Variants in DMD observed in about 807,000 individuals in gnomAD.
The protein encoded by DMD is dystrophin, also known as mutant dystrophin.
DMD carries 63 observed loss-of-function variants against 330.1 expected under a neutral mutation model. The observed-to-expected ratio is 0.19, with a 90% CI of 0.16 to 0.24. The LOEUF (loss-of-function observed/expected upper bound fraction) is 0.24, where lower values mean the gene tolerates loss of function less well. Among genes scored for constraint, DMD ranks in the 10% least tolerant of loss-of-function variants. The pLI is 1.00. For missense variants in DMD, 3,344 were observed against 2,684.1 expected, an observed-to-expected ratio of 1.25 and a Z score of -5.43; for synonymous variants, 1,223 against 959.8, an observed-to-expected ratio of 1.27 and a Z score of -5.07.
intron 74 of DMD, among the ~76,000 whole-genome samples, chrX:31,158,035 T>C (rs1602239918): frequency 1.8e-5 from 2 of 110,052 alleles, no homozygotes; most frequent in Admixed American, 9.7e-5. Context: ...AAATTCTTGG[T>C]CTCAAGTGAT....
chrX:32,113,024 G>A (rs1202613477), intron 44 of DMD, among the ~76,000 whole-genome samples: 2 of 112,571 alleles, frequency 1.8e-5, no homozygotes, highest in Non-Finnish European at 3.8e-5. Flanking sequence ...TTAAAGTAAC[G>A]CAGCTAGTTA....
At chrX:33,236,445 A>G (rs774511081) in intron 1 of DMD, among the ~76,000 whole-genome samples, 5 of 108,481 alleles carry the variant, frequency 4.6e-5, no homozygotes, top group South Asian at 8.2e-4. Flanking sequence ...TTGTATTTTT[A>G]GTACAGATGG....
chrX:31,135,826 C>A (rs967474243), intron 76 of DMD, among the ~76,000 whole-genome samples: 1 of 112,332 alleles, frequency 8.9e-6, no homozygotes, highest in Non-Finnish European at 1.9e-5. Flanking sequence ...TAAAACAAGA[C>A]CTTGCTTTAG....
intron 1 of DMD, among the ~76,000 whole-genome samples, chrX:33,168,927 C>G (rs2049194229): frequency 9.1e-6 from 1 of 109,737 alleles, no homozygotes; most frequent in Non-Finnish European, 1.9e-5. Flanking sequence ...TGGCACAGAA[C>G]ACAGAAATGC....
At chrX:32,883,842 AAAAAAAAAAG>A (rs2084245222) in intron 2 of DMD, among the ~76,000 whole-genome samples, 1 of 104,732 alleles carries the variant, frequency 9.5e-6, no homozygotes, top group Non-Finnish European at 1.9e-5. Flanking sequence ...AAAAAAAAAA[AAAAAAAAAAG>A]AAAATGACTT....
chrX:31,258,021 T>G (rs1349203026), intron 63 of DMD, among the ~76,000 whole-genome samples: 1 of 111,551 alleles, frequency 9.0e-6, no homozygotes, highest in African/African-American at 3.3e-5. Context: ...GTGAAAGGAG[T>G]GCCCATTGTT....
chrX:31,984,765 G>C (rs1444702906), intron 44 of DMD, among the ~76,000 whole-genome samples: 6 of 112,092 alleles, frequency 5.4e-5, no homozygotes, highest in Non-Finnish European at 1.1e-4. Context: ...AAACTAGTAT[G>C]TTTCAATAAA....
chrX:33,021,369 T>A (rs1037024056), intron 1 of DMD, among the ~76,000 whole-genome samples: 1 of 62,859 alleles, frequency 1.6e-5, no homozygotes, highest in African/African-American at 1.0e-4. Flanking sequence ...AGCAAAAGAC[T>A]ATTTTTTTAA....
At chrX:31,577,752 C>T (rs931493932) in intron 55 of DMD, among the ~76,000 whole-genome samples, 10 of 111,401 alleles carry the variant, frequency 9.0e-5, no homozygotes, top group Non-Finnish European at 1.9e-4. Flanking sequence ...AAACTGAAAT[C>T]GACATGTTTA....
Position 32,545,267 on chromosome X carries a change from G to A in DMD, c.2060C>T (p.Thr687Met), listed in dbSNP as rs751543064. 40 of 1,210,271 alleles carry A rather than the reference G, an allele frequency of 3.3e-5. 1 individual carries two copies. In the South Asian group the frequency reaches 4.6e-4, roughly 14 times the overall value. Residue 687 changes from threonine to methionine, a missense_variant, in exon 17 of 79, where the codon ACG becomes ATG. Coordinates refer to ENST00000357033, the MANE Select transcript of DMD (RefSeq NM_004006.3). ...CAGGATCTGTTCCCTTGTGGTCACC[G>A]TAGTTACTGTTTCCATTACAGTTGT... Reference protein sequence around the residue: ...TQTTVMETVTTVTTREQILVK... With the variant: ...TQTTVMETVTMVTTREQILVK...
At chrX:31,928,826 A>G (rs6631433) in intron 47 of DMD, among the ~76,000 whole-genome samples, 19,547 of 111,249 alleles carry the variant, frequency 0.18, 1,380 homozygotes, top group African/African-American at 0.26. Context: ...TTTAAAAAAA[A>G]GATTGTAATT....
intron 1 of DMD, among the ~76,000 whole-genome samples, chrX:33,070,667 CTCTCTCTATATATATA>C (rs1424995526): frequency 2.4e-4 from 11 of 46,132 alleles, no homozygotes; most frequent in African/African-American, 7.3e-4. Context: ...CTCTCTCTCT[CTCTCTCTATATATATA>C]TATATATATA....
At chrX:31,900,855 G>C (rs778504438) in intron 47 of DMD, among the ~76,000 whole-genome samples, 93 of 111,453 alleles carry the variant, frequency 8.3e-4, no homozygotes, top group Non-Finnish European at 2.1e-4. Flanking sequence ...TAGACCTCCA[G>C]TCTCTACCTG....
At chrX:32,498,676 C>A (rs1314650961) in intron 19 of DMD, among the ~76,000 whole-genome samples, 1 of 111,758 alleles carries the variant, frequency 8.9e-6, no homozygotes, top group East Asian at 2.8e-4. Flanking sequence ...TTAATATTAA[C>A]TGTTTTAAAA....
chrX:32,540,982 G>A (rs907551360), intron 17 of DMD, among the ~76,000 whole-genome samples: 2 of 111,246 alleles, frequency 1.8e-5, no homozygotes, highest in Admixed American at 9.6e-5. Context: ...AGAAAGGAGG[G>A]CAGTTCTCTC....
In DMD at chrX:32,966,379, A is replaced by C. The variant is rs777848091; in HGVS notation, c.93+53760T>G. 4.5e-5 allele frequency among the ~76,000 whole-genome samples: 5 copies of C among 111,426 alleles called. No individual in the cohort carries two copies. The South Asian group carries it at 1.1e-3, about 25-fold the overall frequency. On this transcript the variant is annotated intron_variant, in intron 2 of 78. Transcript: ENST00000357033. ...GGCCTAAGATTTGGAGTGGAGGAGG[A>C]GTCCCAAGTACACCTTGATGGCTGT...
intron 44 of DMD, among the ~76,000 whole-genome samples, chrX:32,114,638 G>A (rs1398005077): frequency 8.9e-6 from 1 of 111,811 alleles, no homozygotes; most frequent in Non-Finnish European, 1.9e-5. Flanking sequence ...TCTCCGTGAA[G>A]CTGGGTCTTA....
intron 44 of DMD, among the ~76,000 whole-genome samples, chrX:32,183,195 C>T (rs2096933227): frequency 9.0e-6 from 1 of 111,051 alleles, no homozygotes; most frequent in Admixed American, 9.7e-5. Context: ...CCAACTTACT[C>T]ACAATATTAT....
chrX:33,026,289 T>TG (rs1378497959), intron 1 of DMD, among the ~76,000 whole-genome samples: 1 of 76,046 alleles, frequency 1.3e-5, no homozygotes, highest in African/African-American at 5.6e-5. Flanking sequence ...CGCTCCGGCC[T>TG]GGGGGACAGA....
Sources: gnomAD v4.1 joint callset for allele counts (sites outside exome capture counted in the v4.1 genomes callset) on GRCh38, gnomAD v4.1.1 for gene constraint, MANE v1.5 for transcripts, NCBI Gene and HGNC (gene_info 2026-07-23, HGNC 2026-07-21) for gene names.